UBTF: variants seen among roughly 807,000 people sequenced by gnomAD.
UBTF encodes the protein nucleolar transcription factor 1.
A neutral mutation model predicts 112.3 loss-of-function variants in UBTF; 8 were observed. The observed-to-expected ratio is 0.07, with a 90% CI of 0.04 to 0.13. The LOEUF is 0.13. UBTF is among the 10% of genes least tolerant of loss of function. The probability of loss-of-function intolerance (pLI) is 1.00; values close to 1 mark genes in which losing one functional copy is unlikely to be tolerated. For synonymous variants in UBTF, 417 were observed against 373.1 expected, an observed-to-expected ratio of 1.12 and a Z score of -1.36; for missense variants, 457 against 982.1, an observed-to-expected ratio of 0.47 and a Z score of 7.15.
At chr17:44,210,496 A>G in intron 13 of UBTF, 23 bp from the exon 14 acceptor site, 1 of 1,569,682 alleles carries the variant, frequency 6.4e-7, no homozygotes, top group Non-Finnish European at 8.6e-7. Flanking sequence ...CCCGGGCGTC[A>G]GCCTTCCACC....
At chr17:44,220,936 C>CGCCT (rs1269917280), upstream of UBTF, 1 of 148,674 alleles carries the variant, frequency 6.7e-6, no homozygotes, top group Non-Finnish European at 1.5e-5. Context: ...CCCGCCCGCC[C>CGCCT]GCCTCGGCGC....
At chr17:44,210,632 G>A (rs980049447) in intron 13 of UBTF, among the ~76,000 whole-genome samples, 159 bp from the exon 14 acceptor site, 5 of 152,192 alleles carry the variant, frequency 3.3e-5, no homozygotes, top group African/African-American at 9.6e-5. Flanking sequence ...GCGCTCAGCT[G>A]ACAGCTTCCC....
chr17:44,212,627 G>A (rs576008863), intron 7 of UBTF, among the ~76,000 whole-genome samples, 173 bp from the exon 8 acceptor site: 25 of 152,128 alleles, frequency 1.6e-4, no homozygotes, highest in Admixed American at 3.9e-4. Context: ...GGGTGCAAGG[G>A]GACTGGCTCA....
chr17:44,209,565 A>G lies in UBTF; in HGVS notation c.1716-24T>C, dbSNP rs753058957. Reference sequence around the variant, plus strand: ...TCCTGGGAGGTGGGTTGGTAGAAGGAGGGTCAGGACCCCAACAAAGCAGCC... The same window carrying G: ...TCCTGGGAGGTGGGTTGGTAGAAGGGGGGTCAGGACCCCAACAAAGCAGCC... On this transcript the variant is annotated intron_variant, in intron 16 of 20. Coordinates refer to ENST00000436088, the MANE Select transcript of UBTF (RefSeq NM_014233.4). 45 of 1,611,950 alleles carry G rather than the reference A, an allele frequency of 2.8e-5. No homozygotes were observed. The South Asian group carries it at 4.7e-4, about 17-fold the overall frequency.
chr17:44,211,611 C>A lies in UBTF; in HGVS notation c.1042G>T (p.Asp348Tyr). The A allele has an allele frequency of 6.2e-7, 1 of 1,610,990 alleles. No individual in the cohort carries two copies. The highest frequency in any genetic ancestry group is 1.1e-5 in the South Asian group (1 of 90,928). ...TGGCCCCTGCCACAGCTCACCTGAT[C>A]ACACTTCTTGTGATAGGCGTCCTTC... ...KEKDAYHKKC[D>Y]QKKKDYEVEL... is the part of the protein sequence containing the mutation. The change falls in exon 10 of 21, where the codon GAT (aspartate) becomes TAT (tyrosine). Residue 348 changes from aspartate (D) to tyrosine (Y), a missense_variant. By Grantham distance (160) the Asp-to-Tyr change is radical. Around this residue, in one of 7 missense-constraint regions of UBTF, gnomAD observed 87 missense variants for 286.6 expected, o/e 0.30. Transcript: ENST00000436088. This position sits in a 1 kb window ranked among gnomAD's most constrained non-coding sequence, Gnocchi z 4.9.
chr17:44,218,063 C>T, intron 2 of UBTF, 109 bp downstream of exon 2: 1 of 1,096,496 alleles, frequency 9.1e-7, no homozygotes, highest in South Asian at 1.3e-5. Flanking sequence ...ACTTTCTCCC[C>T]CAGTTCAGTG....
chr17:44,213,713 C>T (rs569981442), intron 5 of UBTF, among the ~76,000 whole-genome samples: 3 of 152,340 alleles, frequency 2.0e-5, no homozygotes, highest in Admixed American at 2.0e-4. Flanking sequence ...AGTCTGTCCC[C>T]TTGTACGTAG....
At chr17:44,210,295 C>G in intron 14 of UBTF, 23 bp downstream of exon 14, 1 of 1,614,262 alleles carries the variant, frequency 6.2e-7, no homozygotes, top group South Asian at 1.1e-5. Context: ...GGCTGCAGTA[C>G]TACCCTTTCC....
Position 44,207,128 on chromosome 17 carries a change from A to G in UBTF, c.*114T>C, listed in dbSNP as rs1285308881. 16 of 1,139,794 alleles carry G rather than the reference A, an allele frequency of 1.4e-5. No homozygotes were observed. Among genetic ancestry groups the G allele is most frequent in the Admixed American group, 2.7e-5 (1 of 37,640 alleles). The allele number at this position is 1,139,794 out of a possible 1,614,324, so 70.6% of individuals were successfully genotyped here. On this transcript the variant is annotated 3_prime_UTR_variant, in exon 21 of 21. Transcript: ENST00000436088. The stretch of plus-strand genomic sequence containing the variant: ...TTTTTTTTTTTTTAAAGAAAGAAAG[A>G]AAGTGGGGGAGGCCAGGGGGGCAAG...
chr17:44,221,090 CAAAA>C (rs1001575611), upstream of UBTF: 1 of 111,942 alleles, frequency 8.9e-6, no homozygotes, highest in African/African-American at 6.2e-5. Flanking sequence ...AGGGGTTGCA[CAAAA>C]AAAATTTTTT....
intron 3 of UBTF, 54 bp from the exon 4 acceptor site, chr17:44,216,043 C>T (rs528886875): frequency 2.2e-6 from 3 of 1,368,530 alleles, no homozygotes; most frequent in African/African-American, 1.4e-5. Flanking sequence ...AAATGCCACA[C>T]AGTAGTATAC....
chr17:44,215,374 G>GGA (rs1009988213), intron 5 of UBTF: 4 of 453,364 alleles, frequency 8.8e-6, no homozygotes, highest in African/African-American at 7.8e-5. Flanking sequence ...GGTGTATGGG[G>GGA]GAGAGAGAGC....
chr17:44,215,660 C>T lies in UBTF; in HGVS notation c.468G>A (p.Lys156=). 2 of 1,613,964 alleles carry T rather than the reference C, an allele frequency of 1.2e-6. No individual in the cohort carries two copies. The highest frequency in any genetic ancestry group is 1.7e-6 in the Non-Finnish European group (2 of 1,179,980). The change falls in exon 5 of 21, where the codon AAG becomes AAA. Residue 156 remains lysine (K), a synonymous_variant. Coordinates refer to ENST00000436088, the MANE Select transcript of UBTF (RefSeq NM_014233.4). ...LSKKYKELPE[K]KKMKYIQDFQ... is the part of the protein sequence containing the mutation. ...TTAACTCTCCTCCCCCCACCTTCTT[C>T]TTCTCCGGAAGCTCCTTGTATTTCT...
chr17:44,210,647 T>C, intron 13 of UBTF, 145 bp downstream of exon 13: 1 of 1,388,798 alleles, frequency 7.2e-7, no homozygotes, highest in Non-Finnish European at 9.4e-7. Context: ...CTTCCCGCCT[T>C]CCGGCTGCTG....
chr17:44,217,833 A>G (rs924899129), intron 2 of UBTF, among the ~76,000 whole-genome samples: 1 of 151,540 alleles, frequency 6.6e-6, no homozygotes, highest in African/African-American at 2.4e-5. Context: ...GCCTTCCCCA[A>G]CCCCTTCCTG....
Position 44,209,424 on chromosome 17 carries a change from C to T in UBTF, c.1833G>A (p.Gln611=). The change falls in exon 17 of 21, where the codon CAG becomes CAA. Residue 611 remains glutamine, a synonymous_variant. Transcript: ENST00000436088. ...GSRWQRISQS[Q]KEHYKKLAEE... Reference sequence around the variant, plus strand: ...CGGCCAGCTTTTTGTAGTGCTCCTTCTGGCTCTGGGAGATGCGCTGCCAGC... The same window carrying T: ...CGGCCAGCTTTTTGTAGTGCTCCTTTTGGCTCTGGGAGATGCGCTGCCAGC... 6.2e-7 allele frequency: 1 copy of T among 1,614,188 alleles called. No homozygotes were observed. The highest frequency in any genetic ancestry group is 1.6e-4 in the Middle Eastern group (1 of 6,062).
Position 44,206,944 on chromosome 17 carries a change from GGAACC to G in UBTF, c.*293_*297del. 2.0e-6 allele frequency: 1 copy of G among 492,892 alleles called. No homozygotes were observed. The highest frequency in any genetic ancestry group is 3.6e-6 in the Non-Finnish European group (1 of 280,556). 30.5% of individuals were successfully genotyped at this position (492,892 alleles called of 1,614,324 possible). A position where few individuals can be genotyped will look rare whatever the true frequency, so the allele number is the denominator to read the frequency against. ...CACTCTCCGGTCCATTGTCCATGCC[GGAACC>G]GCAAGTGCAGAAGTGGGTGGGGTGG... On this transcript the variant is annotated 3_prime_UTR_variant, in exon 21 of 21. Transcript: ENST00000436088.
chr17:44,208,092 ATT>A lies in UBTF; in HGVS notation c.1906-183_1906-182del, dbSNP rs57107684. Among the ~76,000 whole-genome samples, 734 of 117,840 alleles carry A rather than the reference ATT, an allele frequency of 6.2e-3. 1 individual carries two copies. Among genetic ancestry groups the A allele is most frequent in the African/African-American group, 0.021 (650 of 30,368 alleles). The allele number at this position is 117,840 out of a possible 152,430, so 77.3% of individuals were successfully genotyped here. A position where few individuals can be genotyped will look rare whatever the true frequency, so the allele number is the denominator to read the frequency against. On this transcript the variant is annotated intron_variant, in intron 17 of 20. Coordinates refer to ENST00000436088, the MANE Select transcript of UBTF (RefSeq NM_014233.4). Reference sequence around the variant, plus strand: ...CCTGGGATCTGAGAACACAGCTCTAATTTTTTTTTTTTTTTTTTTTTTTTTTT... The same window carrying A: ...CCTGGGATCTGAGAACACAGCTCTAATTTTTTTTTTTTTTTTTTTTTTTTT...
Position 44,210,609 on chromosome 17 carries a change from C to T in UBTF, c.1360-136G>A, listed in dbSNP as rs567402315. 7.2e-4 allele frequency: 997 copies of T among 1,389,444 alleles called. 15 individuals carry two copies. The South Asian group carries it at 0.014, about 20-fold the overall frequency. The allele number at this position is 1,389,444 out of a possible 1,614,324, so 86.1% of individuals were successfully genotyped here. A position where few individuals can be genotyped will look rare whatever the true frequency, so the allele number is the denominator to read the frequency against. On this transcript the variant is annotated intron_variant, in intron 13 of 20. Transcript: ENST00000436088. Reference sequence around the variant, plus strand: ...ATGTCTCCCGCCTGGGGCTCGCCCCCGCCTGGTCTGCGGCGCTCAGCTGAC... The same window carrying T: ...ATGTCTCCCGCCTGGGGCTCGCCCCTGCCTGGTCTGCGGCGCTCAGCTGAC...
Sources: allele counts gnomAD v4.1 joint callset (sites outside exome capture counted in the v4.1 genomes callset), GRCh38; gene constraint gnomAD v4.1.1; regional missense constraint gnomAD v4.1.1; non-coding constraint Gnocchi (gnomAD v3.1); transcripts MANE v1.5; gene names NCBI Gene and HGNC (gene_info 2026-07-23, HGNC 2026-07-21).